The following PTPRD variants were observed in gnomAD, a reference collection of about 807,000 sequenced individuals.
The protein encoded by PTPRD is receptor-type tyrosine-protein phosphatase delta.
Under a neutral mutation model 214.5 loss-of-function variants are expected in PTPRD, and 34 were observed. The observed-to-expected ratio is 0.16, with a 90% CI of 0.12 to 0.21. The LOEUF (loss-of-function observed/expected upper bound fraction) is 0.21, where lower values mean the gene tolerates loss of function less well. Ranked by LOEUF, PTPRD falls within the 10% of genes least tolerant of loss-of-function variation. The probability of loss-of-function intolerance (pLI) is 1.00; values close to 1 mark genes in which losing one functional copy is unlikely to be tolerated. For synonymous variants in PTPRD, 1,128 were observed against 845.7 expected, an observed-to-expected ratio of 1.33 and a Z score of -5.79; for missense variants, 2,545 against 2,398.7, an observed-to-expected ratio of 1.06 and a Z score of -1.27.
chr9:10,185,127 C>T (rs2099323689), intron 3 of PTPRD, among the ~76,000 whole-genome samples: 1 of 152,012 alleles, frequency 6.6e-6, no homozygotes. Context: ...ATTATCAGAA[C>T]AGCATTAAAG....
intron 8 of PTPRD, among the ~76,000 whole-genome samples, chr9:9,429,337 C>G (rs2082176700): frequency 6.6e-6 from 1 of 152,138 alleles, no homozygotes; most frequent in Admixed American, 6.5e-5. Flanking sequence ...TACACCCTCC[C>G]AAGACTAAAC....
chr9:9,532,221 G>C (rs558827263), intron 8 of PTPRD, among the ~76,000 whole-genome samples: 5 of 152,218 alleles, frequency 3.3e-5, no homozygotes, highest in African/African-American at 1.2e-4. Flanking sequence ...GTATGGACTT[G>C]AGAGAGAAGG....
chr9:8,355,119 G>A (rs141800380), intron 39 of PTPRD, among the ~76,000 whole-genome samples: 1 of 152,142 alleles, frequency 6.6e-6, no homozygotes, highest in East Asian at 1.9e-4. Flanking sequence ...TGAAGGCTTG[G>A]TGCCCTCACG....
Position 8,521,533 on chromosome 9 carries a change from T to A in PTPRD, c.705A>T (p.Pro235=). The A allele has an allele frequency of 6.2e-7, 1 of 1,613,674 alleles. No homozygotes were observed. ...TAGTGGGTGGGATAGAGAATCTTGG[T>A]GGGACACGGCGAACTGGAACAAAAC... The part of the protein sequence containing the change: ...VRELREVRRV[P]PRFSIPPTNH... The change falls in exon 20 of 46, where the codon CCA becomes CCT. Residue 235 remains proline (P), a synonymous_variant. Transcript: ENST00000381196.
At chr9:8,476,039 G>A (rs543794163) in intron 30 of PTPRD, among the ~76,000 whole-genome samples, 5 of 152,180 alleles carry the variant, frequency 3.3e-5, no homozygotes, top group Admixed American at 2.0e-4. Context: ...GATCTTGCCT[G>A]AATCCCTCTG....
chr9:9,099,743 G>A (rs1272150944), intron 10 of PTPRD, among the ~76,000 whole-genome samples: 2 of 152,112 alleles, frequency 1.3e-5, no homozygotes, highest in Non-Finnish European at 2.9e-5. Flanking sequence ...CTTTTTTATG[G>A]CCCATGGTTT....
chr9:9,522,157 CAAAAAA>C (rs770450649), intron 8 of PTPRD, among the ~76,000 whole-genome samples: 1 of 40,452 alleles, frequency 2.5e-5, no homozygotes, highest in Non-Finnish European at 5.4e-5. Flanking sequence ...ATCTCCATCT[CAAAAAA>C]AAAAAAAAAA....
chr9:10,235,459 G>A (rs1372589494), intron 3 of PTPRD, among the ~76,000 whole-genome samples: 1 of 151,898 alleles, frequency 6.6e-6, no homozygotes, highest in East Asian at 1.9e-4. Context: ...CAGAAAGGGT[G>A]GAACCAGGAA....
intron 2 of PTPRD, among the ~76,000 whole-genome samples, chr9:10,475,571 A>G (rs1371690914): frequency 6.6e-6 from 1 of 152,152 alleles, no homozygotes; most frequent in Non-Finnish European, 1.5e-5. Flanking sequence ...AGGAGCTGGT[A>G]CCATTACTTC....
intron 9 of PTPRD, among the ~76,000 whole-genome samples, chr9:9,389,064 T>C (rs946358426): frequency 3.3e-5 from 5 of 152,334 alleles, no homozygotes; most frequent in Middle Eastern, 3.4e-3. Context: ...CTGTGCCTCA[T>C]TTTTCTCATT....
intron 11 of PTPRD, among the ~76,000 whole-genome samples, chr9:8,911,220 A>G (rs1170858116): frequency 6.6e-6 from 1 of 152,214 alleles, no homozygotes; most frequent in Non-Finnish European, 1.5e-5. Context: ...TGCTATAAAC[A>G]ATGTGGTATT....
At chr9:8,322,769 T>G (rs1285225387) in intron 44 of PTPRD, among the ~76,000 whole-genome samples, 1 of 152,152 alleles carries the variant, frequency 6.6e-6, no homozygotes, top group Non-Finnish European at 1.5e-5. Flanking sequence ...CAAACATCAT[T>G]ATATTGGAAG....
At chr9:10,079,721 C>T (rs149666725) in intron 3 of PTPRD, among the ~76,000 whole-genome samples, 347 of 152,220 alleles carry the variant, frequency 2.3e-3, no homozygotes, top group Admixed American at 3.9e-3. Flanking sequence ...AGTCATTCTG[C>T]GAGTTGGCTT....
chr9:10,080,492 A>G (rs1239669737), intron 3 of PTPRD, among the ~76,000 whole-genome samples: 3 of 152,098 alleles, frequency 2.0e-5, no homozygotes, highest in Non-Finnish European at 4.4e-5. Context: ...AGAAACAAGA[A>G]AATTGGGAAT....
chr9:8,794,116 G>C (rs1230380215), intron 11 of PTPRD, among the ~76,000 whole-genome samples: 2 of 151,346 alleles, frequency 1.3e-5, no homozygotes, highest in Non-Finnish European at 3.0e-5. Context: ...AAGGACAGCA[G>C]CAATGCATTT....
intron 3 of PTPRD, among the ~76,000 whole-genome samples, chr9:10,196,952 A>G (rs1012371240): frequency 1.3e-5 from 2 of 152,140 alleles, no homozygotes; most frequent in Admixed American, 6.6e-5. Flanking sequence ...TCTATGAACA[A>G]AGAAGATGGC....
In PTPRD at chr9:8,492,954, G is replaced by C. The variant is rs2136310595; in HGVS notation, c.2375C>G (p.Pro792Arg). 6.2e-7 allele frequency: 1 copy of C among 1,613,660 alleles called. No homozygotes were observed. The highest frequency in any genetic ancestry group is 8.5e-7 in the Non-Finnish European group (1 of 1,179,644). ...GACGGTGAGGGAGTAGGAAGTTTCA[G>C]GCTGGAGCCCAGAAATGATCATGTC... ...EHDMIISGLQPETSYSLTVTA... is the reference protein window; with the variant it reads ...EHDMIISGLQRETSYSLTVTA... Residue 792 changes from proline (P) to arginine (R), a missense_variant, in exon 27 of 46, where the codon CCT becomes CGT. Transcript: ENST00000381196.
chr9:9,734,988 T>C (rs1239198739), intron 6 of PTPRD, among the ~76,000 whole-genome samples: 1 of 152,074 alleles, frequency 6.6e-6, no homozygotes, highest in Non-Finnish European at 1.5e-5. Context: ...ATTTTTCAGG[T>C]TTTTGCTGGC....
chr9:8,771,518 C>T lies in PTPRD; in HGVS notation c.-103-37572G>A, dbSNP rs935789609. Among the ~76,000 whole-genome samples, 8 of 152,252 alleles carry T rather than the reference C, an allele frequency of 5.3e-5. No homozygotes were observed. The East Asian group carries it at 1.5e-3, about 29-fold the overall frequency. On this transcript the variant is annotated intron_variant, in intron 11 of 45. Transcript: ENST00000381196. ...TCAGTGTAGTATAGTGACACACGGA[C>T]TTTAAATAAGTATTCAGTAAAACCC...
Sources: allele counts gnomAD v4.1 joint callset (sites outside exome capture counted in the v4.1 genomes callset), GRCh38; gene constraint gnomAD v4.1.1; transcripts MANE v1.5; gene names NCBI Gene and HGNC (gene_info 2026-07-23, HGNC 2026-07-21).